The following ASB17 variants were observed in gnomAD, a reference collection of about 807,000 sequenced individuals.
ASB17 encodes the protein ankyrin repeat and SOCS box containing 17.
A neutral mutation model predicts 25.7 loss-of-function variants in ASB17; 26 were observed. The observed-to-expected ratio is 1.01, with a 90% CI of 0.74 to 1.40. The LOEUF (loss-of-function observed/expected upper bound fraction) is 1.40. Ranked by LOEUF, ASB17 falls within the 40% of genes most tolerant of loss-of-function variation. The pLI is 0.00. For missense variants in ASB17, 326 were observed against 338.5 expected (o/e 0.96, Z 0.29); for synonymous variants, 128 against 121.4 (o/e 1.05, Z -0.36).
chr1:75,919,040 T>C lies in ASB17; in HGVS notation c.800A>G (p.Gln267Arg). ...LHLCRLTIRN[Q>R]LLTNNMLPDG... ...TGGGAGCATATTGTTGGTTAATAGT[T>C]GATTCCTGATGGTTAGTCTGCAAAG... Residue 267 changes from glutamine to arginine, a missense_variant, in exon 3 of 3, where the codon CAA becomes CGA. Transcript: ENST00000284142. 1 of 1,612,348 alleles carries C rather than the reference T, an allele frequency of 6.2e-7. No homozygotes were observed. The highest frequency in any genetic ancestry group is 8.5e-7 in the Non-Finnish European group (1 of 1,178,586).
rs1362013256 is a variant in ASB17 at position 75,922,087 on chromosome 1, T to C, written c.674A>G (p.Glu225Gly). The change falls in exon 2 of 3, where the codon GAA becomes GGA. Residue 225 changes from glutamate (E) to glycine (G), a missense_variant. Glu to Gly is a moderately conservative substitution (Grantham distance 98). Transcript: ENST00000284142. ...TTAAAGTAGTTTTCTTACCTTTATT[T>C]CCTTGACTGAAATGACAGAAAGCAC... ...SRVLSVISVK[E>G]IKTQLSLGRH... The C allele has an allele frequency of 6.2e-7, 1 of 1,603,968 alleles. No individual in the cohort carries two copies. Among genetic ancestry groups the C allele is most frequent in the East Asian group, 2.2e-5 (1 of 44,644 alleles).
intron 1 of ASB17, among the ~76,000 whole-genome samples, chr1:75,928,057 A>T (rs1653221388): frequency 6.6e-6 from 1 of 152,212 alleles, no homozygotes; most frequent in Non-Finnish European, 1.5e-5. Context: ...CAAGGGAAAG[A>T]AAGAAGAAAC....
chr1:75,929,540 G>A lies in ASB17; in HGVS notation c.401+2351C>T, dbSNP rs571711154. 2.6e-5 allele frequency among the ~76,000 whole-genome samples: 4 copies of A among 152,254 alleles called. 1 individual carries two copies. In the East Asian group the frequency reaches 7.7e-4, roughly 29 times the overall value. On this transcript the variant is annotated intron_variant, in intron 1 of 2. Coordinates refer to ENST00000284142, the MANE Select transcript of ASB17 (RefSeq NM_080868.3). ...AGCTTCATGTAGGGTTTTTAAAAAA[G>A]GGGTATTGTTTGAATGTTATACCCC...
intron 2 of ASB17, among the ~76,000 whole-genome samples, chr1:75,920,996 G>A (rs966318374): frequency 1.3e-5 from 2 of 152,050 alleles, no homozygotes; most frequent in Admixed American, 6.6e-5. Context: ...GGATGGTCTC[G>A]ATCTCCTGAC....
chr1:75,930,555 TG>T (rs953745406), intron 1 of ASB17, among the ~76,000 whole-genome samples: 5 of 152,008 alleles, frequency 3.3e-5, no homozygotes, highest in African/African-American at 1.2e-4. Flanking sequence ...TCTATGATTC[TG>T]AGAGGTCTAA....
At chr1:75,927,004 G>T (rs1653190822) in intron 1 of ASB17, among the ~76,000 whole-genome samples, 1 of 152,188 alleles carries the variant, frequency 6.6e-6, no homozygotes, top group Non-Finnish European at 1.5e-5. Flanking sequence ...GGTGTGCCCA[G>T]TGTAATTGCA....
At position 75,918,888 on chromosome 1, in the gene ASB17, T is replaced by C; in HGVS notation, c.*64A>G. 1.5e-6 allele frequency: 2 copies of C among 1,341,664 alleles called. No homozygotes were observed. Among genetic ancestry groups the C allele is most frequent in the South Asian group, 2.5e-5 (2 of 81,054 alleles). 83.1% of individuals were successfully genotyped at this position (1,341,664 alleles called of 1,614,324 possible). A position where few individuals can be genotyped will look rare whatever the true frequency, so the allele number is the denominator to read the frequency against. Reference sequence around the variant, plus strand: ...CAATAAAAACTTACATGAAGTGAATTTTTATTAACTTCTAAGCCATACATT... The same window carrying C: ...CAATAAAAACTTACATGAAGTGAATCTTTATTAACTTCTAAGCCATACATT... On this transcript the variant is annotated 3_prime_UTR_variant, in exon 3 of 3. Transcript: ENST00000284142.
At position 75,931,939 on chromosome 1, in the gene ASB17, G is replaced by A. The variant is rs1557546672; in HGVS notation, c.353C>T (p.Thr118Ile). 1 of 1,613,250 alleles carries A rather than the reference G, an allele frequency of 6.2e-7. No homozygotes were observed. Among genetic ancestry groups the A allele is most frequent in the Middle Eastern group, 1.7e-4 (1 of 6,058 alleles). ...ACTTCTGTCTTGAACATAGTCTTTT[G>A]TCTTCTTGAGAAGCAATTCCACAAA... ...PDFVELLLKK[T>I]KDYVQDRSCN... Residue 118 changes from threonine to isoleucine, a missense_variant, in exon 1 of 3, where the codon ACA becomes ATA. By Grantham distance (89) the Thr-to-Ile change is moderately conservative. Coordinates refer to ENST00000284142, the MANE Select transcript of ASB17 (RefSeq NM_080868.3).
intron 1 of ASB17, among the ~76,000 whole-genome samples, chr1:75,926,515 A>G (rs1653176414): frequency 1.3e-5 from 2 of 152,252 alleles, no homozygotes; most frequent in Non-Finnish European, 1.5e-5. Context: ...AAAAGAGGAC[A>G]GAGGTAATGG....
chr1:75,925,407 A>G (rs1463257782), intron 1 of ASB17, among the ~76,000 whole-genome samples: 1 of 152,136 alleles, frequency 6.6e-6, no homozygotes, highest in Non-Finnish European at 1.5e-5. Context: ...TGATTCTAAG[A>G]TATTAAGATT....
Position 75,932,300 on chromosome 1 carries a change from A to G in ASB17, c.-9T>C. On this transcript the variant is annotated 5_prime_UTR_variant, in exon 1 of 3. It removes the in-frame stop codon of an upstream open reading frame in the 5' UTR. Coordinates refer to ENST00000284142, the MANE Select transcript of ASB17 (RefSeq NM_080868.3). The stretch of plus-strand genomic sequence containing the variant: ...TTAGTAGATTTACTCATTGTTACTT[A>G]TAGCAGCACTGTAGAAATAAAATCA... The G allele has an allele frequency of 6.3e-7, 1 of 1,583,970 alleles. No homozygotes were observed.
At chr1:75,925,414 G>T (rs1187303466) in intron 1 of ASB17, among the ~76,000 whole-genome samples, 1 of 152,120 alleles carries the variant, frequency 6.6e-6, no homozygotes, top group African/African-American at 2.4e-5. Context: ...AAGATATTAA[G>T]ATTGACATTA....
chr1:75,925,545 A>T (rs1653148010), intron 1 of ASB17, among the ~76,000 whole-genome samples: 1 of 152,150 alleles, frequency 6.6e-6, no homozygotes, highest in African/African-American at 2.4e-5. Flanking sequence ...CCTCATGTTT[A>T]AAGAGTATGT....
intron 1 of ASB17, among the ~76,000 whole-genome samples, chr1:75,931,281 A>C (rs148749459): frequency 3.3e-3 from 509 of 152,260 alleles, no homozygotes; most frequent in African/African-American, 0.012. Context: ...TATATTATGG[A>C]CTCTAAAAAG....
chr1:75,929,350 G>A (rs1165204201), intron 1 of ASB17, among the ~76,000 whole-genome samples: 2 of 151,024 alleles, frequency 1.3e-5, no homozygotes, highest in Non-Finnish European at 3.0e-5. Flanking sequence ...TCAGCCTCCC[G>A]AGTAGCTGGG....
At chr1:75,925,344 CAG>C (rs796589914) in intron 1 of ASB17, among the ~76,000 whole-genome samples, 231 of 152,078 alleles carry the variant, frequency 1.5e-3, no homozygotes, top group African/African-American at 5.3e-3. Context: ...TCTGGAGACT[CAG>C]GGGGCAAAAT....
At chr1:75,921,357 C>T (rs1490893073) in intron 2 of ASB17, among the ~76,000 whole-genome samples, 1 of 152,140 alleles carries the variant, frequency 6.6e-6, no homozygotes, top group African/African-American at 2.4e-5. Context: ...TCTGAAGTCA[C>T]ACCCTTAAAG....
At chr1:75,924,549 TATAGAA>T (rs2100611265) in intron 1 of ASB17, among the ~76,000 whole-genome samples, 1 of 152,040 alleles carries the variant, frequency 6.6e-6, no homozygotes, top group East Asian at 1.9e-4. Flanking sequence ...CACATACACA[TATAGAA>T]AGAGAAAGGA....
At chr1:75,927,519 A>C (rs1658743) in intron 1 of ASB17, among the ~76,000 whole-genome samples, 146,090 of 152,212 alleles carry the variant, frequency 0.96, 70,400 homozygotes, top group East Asian at 1. Flanking sequence ...CAAAGGGTGA[A>C]CAGAGGTTGG....
Sources: allele counts gnomAD v4.1 joint callset (sites outside exome capture counted in the v4.1 genomes callset), GRCh38; gene constraint gnomAD v4.1.1; transcripts MANE v1.5; gene names NCBI Gene and HGNC (gene_info 2026-07-23, HGNC 2026-07-21).